ZMIZ1: variants seen among roughly 807,000 people sequenced by gnomAD.
ZMIZ1 encodes zinc finger MIZ domain-containing protein 1.
Under a neutral mutation model 113.9 loss-of-function variants are expected in ZMIZ1, and 17 were observed. That is an observed-to-expected ratio of 0.15 (90% CI 0.10 to 0.22). ZMIZ1 has a LOEUF of 0.22. Ranked by LOEUF, ZMIZ1 falls within the 10% of genes least tolerant of loss-of-function variation. ZMIZ1 has a pLI of 1.00. For missense variants in ZMIZ1, 1,059 were observed against 1,477.8 expected (o/e 0.72, Z 4.65); for synonymous variants, 607 against 603.1 (o/e 1.01, Z -0.09).
chr10:79,130,953 C>T (rs1207293428), intron 2 of ZMIZ1, among the ~76,000 whole-genome samples: 1 of 152,176 alleles, frequency 6.6e-6, no homozygotes, highest in Non-Finnish European at 1.5e-5. Flanking sequence ...GGATTGTTCC[C>T]TCTTTGTCTT....
At chr10:79,180,065 GC>G (rs1589385212) in intron 4 of ZMIZ1, among the ~76,000 whole-genome samples, 1 of 152,234 alleles carries the variant, frequency 6.6e-6, no homozygotes, top group East Asian at 1.9e-4. Context: ...GTGGAGACGG[GC>G]CCCCACAGCA....
chr10:79,160,192 T>G (rs1035885867), intron 3 of ZMIZ1, among the ~76,000 whole-genome samples: 20 of 152,216 alleles, frequency 1.3e-4, no homozygotes, highest in African/African-American at 4.6e-4. Flanking sequence ...GGGCCTCAGT[T>G]TCCTCCTCAG....
At chr10:79,116,646 G>A (rs914301752) in intron 1 of ZMIZ1, among the ~76,000 whole-genome samples, 2 of 152,168 alleles carry the variant, frequency 1.3e-5, no homozygotes, top group African/African-American at 2.4e-5. Flanking sequence ...TCAGTTGGGT[G>A]GAAAGCCACG....
chr10:79,070,327 A>C (rs903653540), intron 1 of ZMIZ1, among the ~76,000 whole-genome samples: 5 of 151,136 alleles, frequency 3.3e-5, no homozygotes, highest in African/African-American at 9.7e-5. Flanking sequence ...TGCGGAGGGC[A>C]GGCTCCCCGC....
At chr10:79,195,674 C>T (rs1190136370) in intron 4 of ZMIZ1, among the ~76,000 whole-genome samples, 1 of 152,162 alleles carries the variant, frequency 6.6e-6, no homozygotes. Flanking sequence ...GTGCAGGGAG[C>T]CCAGTGATGT....
At chr10:79,271,580 G>A (rs915227138) in intron 7 of ZMIZ1, among the ~76,000 whole-genome samples, 6 of 152,132 alleles carry the variant, frequency 3.9e-5, no homozygotes, top group African/African-American at 9.7e-5. Context: ...TTGGCCCTCC[G>A]CCCACCCTGC....
intron 4 of ZMIZ1, among the ~76,000 whole-genome samples, chr10:79,187,845 G>T (rs562777142): frequency 6.6e-6 from 1 of 152,270 alleles, no homozygotes; most frequent in South Asian, 2.1e-4. Context: ...CGGAACCCGC[G>T]CAGTCTGCCA....
At chr10:79,230,530 A>T (rs1054818240) in intron 7 of ZMIZ1, among the ~76,000 whole-genome samples, 2 of 152,190 alleles carry the variant, frequency 1.3e-5, no homozygotes, top group Admixed American at 1.3e-4. Flanking sequence ...GTTTAGAATC[A>T]CTTCCTCCCA....
At chr10:79,303,979 T>G (rs1406719086) in intron 18 of ZMIZ1, 36 bp from the exon 19 acceptor site, 7 of 1,612,280 alleles carry the variant, frequency 4.3e-6, no homozygotes, top group Non-Finnish European at 5.9e-6. Flanking sequence ...AGGACTGTCT[T>G]GCCATCCTCA....
chr10:79,282,418 C>T (rs1009024568), intron 8 of ZMIZ1, among the ~76,000 whole-genome samples: 3 of 152,112 alleles, frequency 2.0e-5, no homozygotes, highest in Non-Finnish European at 4.4e-5. Context: ...GCTCTGAGGA[C>T]GAACAAATGG....
At chr10:79,221,830 C>T (rs2132736467) in intron 7 of ZMIZ1, among the ~76,000 whole-genome samples, 1 of 152,366 alleles carries the variant, frequency 6.6e-6, no homozygotes, top group South Asian at 2.1e-4. Context: ...CACCCCAAGT[C>T]CTAGCGAGGC....
chr10:79,293,232 C>T, intron 11 of ZMIZ1, 149 bp from the exon 12 acceptor site: 1 of 1,071,848 alleles, frequency 9.3e-7, no homozygotes, highest in East Asian at 2.6e-5. Context: ...CCCCTGGGGC[C>T]TGGTTGGTCA....
intron 4 of ZMIZ1, among the ~76,000 whole-genome samples, chr10:79,171,856 C>T (rs895356071): frequency 5.3e-5 from 8 of 152,252 alleles, no homozygotes; most frequent in East Asian, 3.9e-4. Context: ...CCCTGTCCTG[C>T]GACAGGAAGG....
At chr10:79,262,595 G>T (rs1034350582) in intron 7 of ZMIZ1, among the ~76,000 whole-genome samples, 7 of 152,218 alleles carry the variant, frequency 4.6e-5, no homozygotes, top group African/African-American at 1.4e-4. Context: ...ATTTCATCAG[G>T]TAAAGAATCT....
intron 23 of ZMIZ1, among the ~76,000 whole-genome samples, chr10:79,307,844 G>A (rs1272167573): frequency 2.0e-5 from 3 of 151,910 alleles, no homozygotes; most frequent in African/African-American, 4.8e-5. Context: ...ACACACACAC[G>A]TGCATGCACT....
In ZMIZ1 at chr10:79,216,150, C is replaced by T; in HGVS notation, c.175-19C>T. 2.7e-6 allele frequency: 4 copies of T among 1,468,848 alleles called. No individual in the cohort carries two copies. The highest frequency in any genetic ancestry group is 3.6e-6 in the Non-Finnish European group (4 of 1,102,912). The allele number at this position is 1,468,848 out of a possible 1,614,324, so 91.0% of individuals were successfully genotyped here. On this transcript the variant is annotated intron_variant, in intron 6 of 24. Transcript: ENST00000334512. Reference sequence around the variant, plus strand: ...CTGGGCTCCGTGACTCACCTGCCCTCCTCCCCTCTTGCTTTCAGGTGGTCA... The same window carrying T: ...CTGGGCTCCGTGACTCACCTGCCCTTCTCCCCTCTTGCTTTCAGGTGGTCA...
At position 79,278,440 on chromosome 10, in the gene ZMIZ1, TAATTTTTTTTA is replaced by T. The variant is rs369196350; in HGVS notation, c.425+1116_425+1126del. Among the ~76,000 whole-genome samples the T allele has an allele frequency of 1.0e-2, 1,512 of 151,536 alleles. 18 individuals are homozygous for T. The highest frequency in any genetic ancestry group is 0.017 in the Non-Finnish European group (1,139 of 67,882). On this transcript the variant is annotated intron_variant, in intron 8 of 24. Transcript: ENST00000334512. ...TTATTATTATTTTAATTCTTTTTTT[TAATTTTTTTTA>T]GTATTTATTGATCATTCTTGGGTGT...
rs529422450 is a variant in ZMIZ1, at chr10:79,077,287, A to G, written c.-337+8017A>G. On this transcript the variant is annotated intron_variant, in intron 1 of 24. Transcript: ENST00000334512. Reference sequence around the variant, plus strand: ...GCTCTAACCACTCAGCGACCTAGCCAAGGATCAGCAGGGCACAGAGACCTC... The same window carrying G: ...GCTCTAACCACTCAGCGACCTAGCCGAGGATCAGCAGGGCACAGAGACCTC... 1.3e-4 allele frequency among the ~76,000 whole-genome samples: 20 copies of G among 152,070 alleles called. No individual in the cohort carries two copies. The South Asian group carries it at 1.7e-3, about 13-fold the overall frequency.
chr10:79,152,464 C>T (rs530519899), intron 3 of ZMIZ1, among the ~76,000 whole-genome samples: 12 of 152,208 alleles, frequency 7.9e-5, no homozygotes, highest in Non-Finnish European at 1.0e-4. Context: ...TACACCACTG[C>T]ACTCCAGCCT....
Sources: allele counts gnomAD v4.1 joint callset (sites outside exome capture counted in the v4.1 genomes callset), GRCh38; gene constraint gnomAD v4.1.1; transcripts MANE v1.5; gene names NCBI Gene and HGNC (gene_info 2026-07-23, HGNC 2026-07-21).